Variants in LGSN observed in about 807,000 individuals in gnomAD.
The protein encoded by LGSN is lengsin, lens protein with glutamine synthetase domain, also known as lengsin.
In LGSN, 21 loss-of-function variants were observed where a neutral mutation model predicts 19.5. The ratio of observed to expected loss-of-function variants is 1.07; its 90% CI spans 0.76 to 1.55. The LOEUF is 1.55. LGSN is among the 40% of genes most tolerant of loss of function. LGSN has a pLI of 0.00. For synonymous variants in LGSN, 257 were observed against 215.6 expected (o/e 1.19, Z -1.68); for missense variants, 673 against 608.5 (o/e 1.11, Z -1.12).
the LGSN span, among the ~76,000 whole-genome samples, chr6:63,512,674 A>C: frequency 1.5e-3 from 230 of 152,312 alleles, no homozygotes; most frequent in Non-Finnish European, 2.3e-3. Flanking sequence ...AGAGGGGTCT[A>C]TCTTCCCTCA....
At chr6:63,335,196 G>C in the LGSN span, among the ~76,000 whole-genome samples, 2 of 151,196 alleles carry the variant, frequency 1.3e-5, no homozygotes, top group Non-Finnish European at 2.9e-5. Flanking sequence ...TTGATAGTTG[G>C]TGCTGGGAAA....
At chr6:63,313,912 A>G (rs897216272) in intron 1 of LGSN, among the ~76,000 whole-genome samples, 2 of 152,108 alleles carry the variant, frequency 1.3e-5, no homozygotes, top group Non-Finnish European at 2.9e-5. Flanking sequence ...ACATATACAC[A>G]TATATAAATA....
the LGSN span, among the ~76,000 whole-genome samples, chr6:63,538,608 T>C: frequency 8.7e-3 from 1,331 of 152,226 alleles, 23 homozygotes; most frequent in African/African-American, 0.03. Context: ...AGAAATAGCA[T>C]GCAAAAAGAA....
chr6:63,287,905 C>G (rs1038758534), intron 2 of LGSN, among the ~76,000 whole-genome samples: 3 of 151,934 alleles, frequency 2.0e-5, no homozygotes, highest in African/African-American at 7.3e-5. Context: ...ACAATGAATA[C>G]ATATTATTTT....
the LGSN span, among the ~76,000 whole-genome samples, chr6:63,526,803 GTATATATA>G: frequency 3.4e-4 from 34 of 101,440 alleles, no homozygotes; most frequent in South Asian, 2.5e-3. Flanking sequence ...TCTCAAAAAT[GTATATATA>G]TATATATATA....
chr6:63,499,857 A>G, the LGSN span, among the ~76,000 whole-genome samples: 16 of 151,474 alleles, frequency 1.1e-4, no homozygotes, highest in Non-Finnish European at 2.2e-4. Context: ...TATATGTCCA[A>G]TTTACATTAA....
the LGSN span, among the ~76,000 whole-genome samples, chr6:63,438,431 G>A: frequency 0.075 from 11,337 of 152,156 alleles, 549 homozygotes; most frequent in East Asian, 0.17. Context: ...TACAGAATGG[G>A]AGAAAATTTT....
chr6:63,426,582 C>A, the LGSN span, among the ~76,000 whole-genome samples: 1 of 152,020 alleles, frequency 6.6e-6, no homozygotes, highest in Non-Finnish European at 1.5e-5. Flanking sequence ...TGGCACAATC[C>A]CAGCTCACTG....
rs989635099 is a variant in LGSN at position 63,278,147 on chromosome 6, C to G, written c.*1874G>C. 7 of 152,036 alleles carry G rather than the reference C, an allele frequency of 4.6e-5. No individual in the cohort carries two copies. The highest frequency in any genetic ancestry group is 1.7e-4 in the African/African-American group (7 of 41,478). The allele number at this position is 152,036 out of a possible 1,614,324, so 9.4% of individuals were successfully genotyped here. On this transcript the variant is annotated 3_prime_UTR_variant, in exon 4 of 4. Transcript: ENST00000370657. Reference sequence around the variant, plus strand: ...AACTTATATGCAACACTTCTACTTTCACCTCTTTGCACTGAACCTAATAAC... The same window carrying G: ...AACTTATATGCAACACTTCTACTTTGACCTCTTTGCACTGAACCTAATAAC...
the LGSN span, among the ~76,000 whole-genome samples, chr6:63,435,527 C>T: frequency 1.3e-5 from 2 of 151,786 alleles, no homozygotes; most frequent in South Asian, 2.1e-4. Flanking sequence ...CACCCACCCA[C>T]CCACAAGGTC....
chr6:63,430,362 T>C, the LGSN span, among the ~76,000 whole-genome samples: 1 of 152,128 alleles, frequency 6.6e-6, no homozygotes, highest in African/African-American at 2.4e-5. Flanking sequence ...CACATCTCCA[T>C]AAGTGGATTC....
At chr6:63,481,365 C>T in the LGSN span, among the ~76,000 whole-genome samples, 16 of 131,598 alleles carry the variant, frequency 1.2e-4, no homozygotes, top group African/African-American at 4.8e-4. Context: ...TTTTTTGAGA[C>T]GGGGTCTGGC....
At chr6:63,556,289 G>A in the LGSN span, among the ~76,000 whole-genome samples, 4 of 151,848 alleles carry the variant, frequency 2.6e-5, no homozygotes, top group African/African-American at 9.7e-5. Context: ...CTCCAGAGTA[G>A]CTAGGAATAC....
At chr6:63,294,882 C>G in intron 2 of LGSN, 31 bp downstream of exon 2, 1 of 1,612,028 alleles carries the variant, frequency 6.2e-7, no homozygotes, top group Non-Finnish European at 8.5e-7. Flanking sequence ...TCTGACCACA[C>G]CATTTTTGAG....
chr6:63,336,451 C>A, the LGSN span, among the ~76,000 whole-genome samples: 1 of 151,576 alleles, frequency 6.6e-6, no homozygotes, highest in Non-Finnish European at 1.5e-5. Flanking sequence ...TTACTAGTTT[C>A]ACACATGCCT....
At chr6:63,432,179 G>GGGAAAGAAAGAAAAGAAAAGA in the LGSN span, among the ~76,000 whole-genome samples, 140 of 113,646 alleles carry the variant, frequency 1.2e-3, 5 homozygotes, top group Non-Finnish European at 1.7e-3. Flanking sequence ...GAAAAGGAAA[G>GGGAAAGAAAGAAAAGAAAAGA]AAAGAAAAGA....
At chr6:63,398,459 A>G in the LGSN span, among the ~76,000 whole-genome samples, 156 of 152,218 alleles carry the variant, frequency 1.0e-3, no homozygotes, top group African/African-American at 3.4e-3. Context: ...AAAGTAAAAA[A>G]TACATGTAAA....
At chr6:63,487,098 G>T in the LGSN span, among the ~76,000 whole-genome samples, 1 of 151,998 alleles carries the variant, frequency 6.6e-6, no homozygotes, top group East Asian at 1.9e-4. Flanking sequence ...GCCTCCCAAA[G>T]TGCTGGGATT....
the LGSN span, among the ~76,000 whole-genome samples, chr6:63,428,951 A>C: frequency 6.6e-6 from 1 of 152,192 alleles, no homozygotes; most frequent in Non-Finnish European, 1.5e-5. Flanking sequence ...CAGGAGGCTG[A>C]GGTATTCCTG....
Sources: allele counts gnomAD v4.1 joint callset (sites outside exome capture counted in the v4.1 genomes callset), GRCh38; gene constraint gnomAD v4.1.1; transcripts MANE v1.5; gene names NCBI Gene and HGNC (gene_info 2026-07-23, HGNC 2026-07-21).